Variants in AGAP1 observed in about 807,000 individuals in gnomAD.
AGAP1 encodes the protein arf-GAP with GTPase, ANK repeat and PH domain-containing protein 1.
AGAP1 carries 29 observed loss-of-function variants against 105.3 expected under a neutral mutation model. The observed-to-expected ratio is 0.28, with a 90% CI of 0.21 to 0.38. The LOEUF (loss-of-function observed/expected upper bound fraction) is 0.38, where lower values mean the gene tolerates loss of function less well. AGAP1 is among the 10% of genes least tolerant of loss of function. The pLI is 1.00. For synonymous variants in AGAP1, 509 were observed against 485.9 expected, an observed-to-expected ratio of 1.05 and a Z score of -0.63; for missense variants, 998 against 1,165.1, an observed-to-expected ratio of 0.86 and a Z score of 2.09.
At chr2:236,067,744 G>A (rs575518256) in intron 16 of AGAP1, among the ~76,000 whole-genome samples, 4 of 152,302 alleles carry the variant, frequency 2.6e-5, no homozygotes, top group Admixed American at 1.3e-4. Context: ...CAGACGTTCC[G>A]CACATCCTTT....
At chr2:235,629,799 G>A (rs1946765401) in intron 1 of AGAP1, among the ~76,000 whole-genome samples, 1 of 144,312 alleles carries the variant, frequency 6.9e-6, no homozygotes, top group South Asian at 2.2e-4. Context: ...AGGAGGTCAA[G>A]ACTGCAGTGA....
At chr2:235,749,210 T>TTTAAAAA (rs1553621044) in intron 5 of AGAP1, among the ~76,000 whole-genome samples, 3 of 148,868 alleles carry the variant, frequency 2.0e-5, no homozygotes, top group South Asian at 2.1e-4. Flanking sequence ...TCCATCTCAT[T>TTTAAAAA]AAAAAAAAAG....
At chr2:235,825,034 T>C (rs1281088565) in intron 9 of AGAP1, among the ~76,000 whole-genome samples, 1 of 152,228 alleles carries the variant, frequency 6.6e-6, no homozygotes, top group Non-Finnish European at 1.5e-5. Context: ...AATAACCATA[T>C]GAAAGACCAT....
chr2:236,085,395 G>C (rs917134904), intron 16 of AGAP1, among the ~76,000 whole-genome samples: 1 of 152,188 alleles, frequency 6.6e-6, no homozygotes. Flanking sequence ...TGGAGGATCT[G>C]TTTGGGAGGG....
intron 1 of AGAP1, among the ~76,000 whole-genome samples, chr2:235,542,745 C>CT (rs915561620): frequency 6.0e-4 from 92 of 152,272 alleles, no homozygotes; most frequent in African/African-American, 2.2e-3. Context: ...TTGTCAATCT[C>CT]TATGTAAGTA....
intron 3 of AGAP1, among the ~76,000 whole-genome samples, chr2:235,722,596 A>AT (rs755925745): frequency 1.8e-4 from 27 of 152,216 alleles, no homozygotes; most frequent in Non-Finnish European, 2.9e-4. Flanking sequence ...ACTTTTTCTT[A>AT]TAAGGACACC....
chr2:236,052,985 G>A (rs2057949516), intron 16 of AGAP1, among the ~76,000 whole-genome samples: 1 of 152,196 alleles, frequency 6.6e-6, no homozygotes, highest in East Asian at 1.9e-4. Context: ...TAGGTTTTAG[G>A]GGTTTAAGAA....
chr2:235,813,070 C>T (rs1958246364), intron 9 of AGAP1, among the ~76,000 whole-genome samples: 1 of 152,180 alleles, frequency 6.6e-6, no homozygotes, highest in Non-Finnish European at 1.5e-5. Flanking sequence ...TACTTTGACT[C>T]CTCAAATCTC....
At chr2:235,759,739 A>G (rs192461167) in intron 6 of AGAP1, among the ~76,000 whole-genome samples, 18 of 152,310 alleles carry the variant, frequency 1.2e-4, no homozygotes, top group Admixed American at 9.2e-4. Flanking sequence ...GATGGTGATC[A>G]TTTTTATGAA....
At chr2:235,575,841 C>A (rs769141838) in intron 1 of AGAP1, among the ~76,000 whole-genome samples, 1 of 152,138 alleles carries the variant, frequency 6.6e-6, no homozygotes, top group Non-Finnish European at 1.5e-5. Context: ...CACCTCTTTA[C>A]TGAGATTGGG....
chr2:235,813,793 T>C (rs1419221487), intron 9 of AGAP1, among the ~76,000 whole-genome samples: 1 of 152,242 alleles, frequency 6.6e-6, no homozygotes, highest in African/African-American at 2.4e-5. Context: ...CTTAGTGTAC[T>C]GGAAGAATTG....
intron 13 of AGAP1, among the ~76,000 whole-genome samples, chr2:236,023,466 TGTTA>T (rs2056949544): frequency 1.3e-5 from 2 of 152,174 alleles, no homozygotes; most frequent in South Asian, 4.2e-4. Context: ...AAAACTCACT[TGTTA>T]ATAGGGGAAA....
chr2:235,534,457 G>A (rs753184572), intron 1 of AGAP1, among the ~76,000 whole-genome samples: 11 of 152,162 alleles, frequency 7.2e-5, no homozygotes, highest in African/African-American at 1.4e-4. Context: ...TGCAGTGCCC[G>A]AGGATGGGTG....
chr2:235,726,129 G>A (rs1951631819), intron 3 of AGAP1, among the ~76,000 whole-genome samples: 1 of 152,174 alleles, frequency 6.6e-6, no homozygotes, highest in African/African-American at 2.4e-5. Context: ...GCCTGCATTG[G>A]AGCCTGTGTT....
rs550632805 is a variant in AGAP1, at chr2:235,657,862, T to G, written c.164-51317T>G. Among the ~76,000 whole-genome samples, 58 of 152,288 alleles carry G rather than the reference T, an allele frequency of 3.8e-4. No individual in the cohort carries two copies. In the South Asian group the frequency reaches 0.011, roughly 30 times the overall value. On this transcript the variant is annotated intron_variant, in intron 1 of 17. Coordinates refer to ENST00000304032, the MANE Select transcript of AGAP1 (RefSeq NM_001037131.3). ...GTCAGTAGAGTGGGCCCTAATCCAG[T>G]AAGACTGTGTCCTTATAAGAAGAGG... is the stretch of plus-strand genomic sequence containing the variant.
intron 1 of AGAP1, among the ~76,000 whole-genome samples, chr2:235,545,654 C>T (rs568267651): frequency 6.6e-6 from 1 of 152,332 alleles, no homozygotes; most frequent in African/African-American, 2.4e-5. Flanking sequence ...CAGATTCTGC[C>T]TCTGGAAATC....
At position 235,603,639 on chromosome 2, in the gene AGAP1, C is replaced by T. The variant is rs903201008; in HGVS notation, c.164-105540C>T. 3.3e-5 allele frequency among the ~76,000 whole-genome samples: 5 copies of T among 152,206 alleles called. No individual in the cohort carries two copies. In the East Asian group the frequency reaches 5.8e-4, roughly 18 times the overall value. ...CAATTCTTTAGTTAGATACCTTCTC[C>T]TTTCAGTAAAATTATGTTCAGTGCT... On this transcript the variant is annotated intron_variant, in intron 1 of 17. Transcript: ENST00000304032.
intron 12 of AGAP1, among the ~76,000 whole-genome samples, chr2:235,933,827 G>A (rs986787827): frequency 1.3e-5 from 2 of 152,148 alleles, no homozygotes; most frequent in Admixed American, 6.5e-5. Flanking sequence ...CACCGCGCCC[G>A]GCCTTTCTAA....
intron 8 of AGAP1, among the ~76,000 whole-genome samples, chr2:235,802,094 G>T (rs1480731112): frequency 6.6e-6 from 1 of 152,090 alleles, no homozygotes; most frequent in Non-Finnish European, 1.5e-5. Flanking sequence ...CTTAACATCT[G>T]CTCTGTGCAC....
Sources: gnomAD v4.1 joint callset for allele counts (sites outside exome capture counted in the v4.1 genomes callset) on GRCh38, gnomAD v4.1.1 for gene constraint, MANE v1.5 for transcripts, NCBI Gene and HGNC (gene_info 2026-07-23, HGNC 2026-07-21) for gene names.